Variants in DNAH17 observed in about 807,000 individuals in gnomAD.
DNAH17 encodes axonemal beta dynein heavy chain 17.
Under a neutral mutation model 485.6 loss-of-function variants are expected in DNAH17, and 376 were observed. The observed-to-expected ratio is 0.77, with a 90% CI of 0.71 to 0.84. DNAH17 has a LOEUF of 0.84. Ranked by LOEUF, DNAH17 falls within the 40% of genes least tolerant of loss-of-function variation. The pLI, the probability that DNAH17 is intolerant of heterozygous loss-of-function variation, is 0.00. For missense variants in DNAH17, 6,370 were observed against 5,839.3 expected, an observed-to-expected ratio of 1.09 and a Z score of -2.96; for synonymous variants, 3,031 against 2,405.9, an observed-to-expected ratio of 1.26 and a Z score of -7.60.
intron 1 of DNAH17, among the ~76,000 whole-genome samples, chr17:78,576,753 A>T (rs1254767986): frequency 6.6e-6 from 1 of 152,202 alleles, no homozygotes; most frequent in African/African-American, 2.4e-5. Context: ...TCACAAAGTC[A>T]TCTTTTCTTC....
chr17:78,538,721 G>T (rs2091444422), intron 18 of DNAH17, among the ~76,000 whole-genome samples: 1 of 152,276 alleles, frequency 6.6e-6, no homozygotes, highest in Middle Eastern at 3.4e-3. Flanking sequence ...CACTGGGACA[G>T]TCTGTAGTGA....
chr17:78,526,035 GGGCCCCACTGGGCCCCAAGA>G (rs906682549), intron 24 of DNAH17, among the ~76,000 whole-genome samples: 2 of 152,224 alleles, frequency 1.3e-5, no homozygotes, highest in African/African-American at 2.4e-5. Flanking sequence ...GAACTGACAA[GGGCCCCACTGGGCCCCAAGA>G]GGCCCCCCTG....
chr17:78,505,648 G>T (rs2090462519), intron 30 of DNAH17, among the ~76,000 whole-genome samples: 1 of 152,224 alleles, frequency 6.6e-6, no homozygotes, highest in African/African-American at 2.4e-5. Flanking sequence ...ACCAGGCCAG[G>T]AACCGCAGCC....
intron 19 of DNAH17, among the ~76,000 whole-genome samples, chr17:78,536,876 C>G (rs1053480517): frequency 3.3e-5 from 5 of 151,770 alleles, no homozygotes; most frequent in African/African-American, 1.2e-4. Context: ...CACACGATGT[C>G]ATTTAAAAGG....
At chr17:78,452,120 G>T (rs377158785) in intron 65 of DNAH17, among the ~76,000 whole-genome samples, 2 of 151,836 alleles carry the variant, frequency 1.3e-5, no homozygotes, top group East Asian at 1.9e-4. Flanking sequence ...GGCTCACTTT[G>T]AGGGGCCTCT....
At chr17:78,521,239 C>T (rs2090925224) in intron 25 of DNAH17, among the ~76,000 whole-genome samples, 1 of 152,130 alleles carries the variant, frequency 6.6e-6, no homozygotes, top group Non-Finnish European at 1.5e-5. Context: ...AACCCCATCT[C>T]TACTGAAAAT....
Position 78,475,471 on chromosome 17 carries a change from T to G in DNAH17, c.8320-2A>C. 1 of 1,613,658 alleles carries G rather than the reference T, an allele frequency of 6.2e-7. No individual in the cohort carries two copies. Among genetic ancestry groups the G allele is most frequent in the South Asian group, 1.1e-5 (1 of 91,072 alleles). ...AGCCACGGCGTCCTCAAACAGCACC[T>G]GCAGAAACCGGAGAGATCCCACAAC... On this transcript the variant is annotated splice_acceptor_variant, in intron 53 of 80. Coordinates refer to ENST00000389840, the MANE Select transcript of DNAH17 (RefSeq NM_173628.4). LOFTEE classifies it high-confidence loss of function.
At chr17:78,480,011 T>C (rs12938157) in intron 49 of DNAH17, among the ~76,000 whole-genome samples, 2 of 126,188 alleles carry the variant, frequency 1.6e-5, no homozygotes, top group Non-Finnish European at 3.3e-5. Flanking sequence ...AAACAACAAG[T>C]ACTTTTTTTT....
intron 16 of DNAH17, among the ~76,000 whole-genome samples, chr17:78,544,420 G>T (rs1198346645): frequency 6.6e-6 from 1 of 152,182 alleles, no homozygotes; most frequent in Non-Finnish European, 1.5e-5. Context: ...CTTTTGTGGG[G>T]GCCACTGATC....
intron 17 of DNAH17, among the ~76,000 whole-genome samples, chr17:78,540,615 G>A (rs1361315795): frequency 7.5e-6 from 1 of 133,514 alleles, no homozygotes; most frequent in African/African-American, 2.9e-5. Context: ...TAGATGAATA[G>A]AGTGGGTAGG....
intron 75 of DNAH17, among the ~76,000 whole-genome samples, chr17:78,432,241 CTG>C (rs2086702065): frequency 6.6e-6 from 1 of 151,914 alleles, no homozygotes; most frequent in Non-Finnish European, 1.5e-5. Context: ...TCTAGCCAGA[CTG>C]TTTCTCCCAA....
At chr17:78,574,502 CAAAA>C (rs780149334) in intron 2 of DNAH17, among the ~76,000 whole-genome samples, 1 of 132,954 alleles carries the variant, frequency 7.5e-6, no homozygotes, top group Admixed American at 7.6e-5. Flanking sequence ...GACCCTGTCT[CAAAA>C]AAAAAAAAAA....
intron 64 of DNAH17, among the ~76,000 whole-genome samples, chr17:78,454,117 C>T (rs545786296): frequency 1.1e-4 from 16 of 152,272 alleles, no homozygotes; most frequent in African/African-American, 2.9e-4. Flanking sequence ...GTACCTGTGT[C>T]GTTATAGCCA....
intron 25 of DNAH17, chr17:78,522,166 G>A (rs913924227): frequency 1.3e-5 from 2 of 156,512 alleles, no homozygotes; most frequent in Non-Finnish European, 2.8e-5. Flanking sequence ...TGCCGGGCAG[G>A]AGGAAGGTGC....
At position 78,490,675 on chromosome 17, in the gene DNAH17, C is replaced by G. The variant is rs370370260; in HGVS notation, c.6818+24G>C. 4.5e-4 allele frequency: 724 copies of G among 1,591,600 alleles called. 5 individuals carry two copies. In the African/African-American group the frequency reaches 8.6e-3, roughly 19 times the overall value. On this transcript the variant is annotated intron_variant, in intron 44 of 80. Coordinates refer to ENST00000389840, the MANE Select transcript of DNAH17 (RefSeq NM_173628.4). ...CGTTTTTCCCTGCCGAGGTTTGGAA[C>G]AGGAAAGCCAAAGCCCCACTCACGG...
chr17:78,523,271 C>T (rs2143216091), intron 25 of DNAH17, among the ~76,000 whole-genome samples: 1 of 152,134 alleles, frequency 6.6e-6, no homozygotes, highest in Admixed American at 6.5e-5. Flanking sequence ...TTACAGGCAC[C>T]TGCCACCATG....
In DNAH17 at chr17:78,537,479, C is replaced by G. The variant is rs2143386352; in HGVS notation, c.2679G>C (p.Glu893Asp). Reference protein sequence around the residue: ...SFLMDNMVIDESIAPLFEIRM... With the variant: ...SFLMDNMVIDDSIAPLFEIRM... ...GGATCTCAAACAGGGGAGCGATACT[C>G]TCCTGAAAGAGGGGTGGGGTTGGCA... Residue 893 changes from glutamate (E) to aspartate (D), a missense_variant and splice_region_variant, in exon 19 of 81, where the codon GAG (glutamate) becomes GAC (aspartate). Physicochemically the swap from Glu to Asp is conservative, Grantham distance 45. Coordinates refer to ENST00000389840, the MANE Select transcript of DNAH17 (RefSeq NM_173628.4). 6 of 1,613,156 alleles carry G rather than the reference C, an allele frequency of 3.7e-6. No individual in the cohort carries two copies. Among genetic ancestry groups the G allele is most frequent in the East Asian group, 2.2e-5 (1 of 44,880 alleles).
chr17:78,428,136 A>G (rs116552087), intron 77 of DNAH17, among the ~76,000 whole-genome samples: 23,746 of 152,124 alleles, frequency 0.16, 1,970 homozygotes, highest in Middle Eastern at 0.2. Flanking sequence ...ACCTGCCTGC[A>G]CATCCGGCTG....
Position 78,454,352 on chromosome 17 carries a change from A to G in DNAH17, c.10406+118T>C. On this transcript the variant is annotated intron_variant, in intron 64 of 80. Coordinates refer to ENST00000389840, the MANE Select transcript of DNAH17 (RefSeq NM_173628.4). ...TGCTGTTCCCCAGGCCAGATTTAAAACCTGTGGGCTAGTACTTGTATTGAA... is the reference window on the plus strand; with the variant it reads ...TGCTGTTCCCCAGGCCAGATTTAAAGCCTGTGGGCTAGTACTTGTATTGAA... 4.1e-6 allele frequency: 3 copies of G among 739,360 alleles called. No homozygotes were observed. The East Asian group carries it at 8.1e-5, about 20-fold the overall frequency. 45.8% of individuals were successfully genotyped at this position (739,360 alleles called of 1,614,324 possible). A position where few individuals can be genotyped will look rare whatever the true frequency, so the allele number is the denominator to read the frequency against.
Sources: gnomAD v4.1 joint callset for allele counts (sites outside exome capture counted in the v4.1 genomes callset) on GRCh38, gnomAD v4.1.1 for gene constraint, MANE v1.5 for transcripts, NCBI Gene and HGNC (gene_info 2026-07-23, HGNC 2026-07-21) for gene names.